The following MAML2 variants were observed in gnomAD, a reference collection of about 807,000 sequenced individuals.
MAML2 encodes the protein mastermind like transcriptional coactivator 2.
MAML2 carries 22 observed loss-of-function variants against 96.1 expected under a neutral mutation model. That is an observed-to-expected ratio of 0.23 (90% CI 0.16 to 0.33). The LOEUF (loss-of-function observed/expected upper bound fraction) is 0.33. MAML2 is among the 10% of genes least tolerant of loss of function. The pLI, the probability that MAML2 is intolerant of heterozygous loss-of-function variation, is 1.00. For synonymous variants in MAML2, 561 were observed against 521.3 expected, an observed-to-expected ratio of 1.08 and a Z score of -1.04; for missense variants, 1,367 against 1,392.4, an observed-to-expected ratio of 0.98 and a Z score of 0.29.
intron 1 of MAML2, among the ~76,000 whole-genome samples, chr11:96,287,002 C>A (rs982651287): frequency 6.6e-6 from 1 of 152,050 alleles, no homozygotes; most frequent in Non-Finnish European, 1.5e-5. Context: ...GAGAGAGCAG[C>A]CTGATGCGCT....
Position 96,117,289 on chromosome 11 carries a change from C to CTT in MAML2, c.514-23774_514-23773dup, listed in dbSNP as rs11371864. 3.4e-3 allele frequency among the ~76,000 whole-genome samples: 498 copies of CTT among 145,450 alleles called. 4 individuals carry two copies. Among genetic ancestry groups the CTT allele is most frequent in the African/African-American group, 0.011 (415 of 39,472 alleles). ...CCAGTATCTGTCATGCTGCAAAGCT[C>CTT]TTTTTTTTTTTTTTTAAATTTTTTG... On this transcript the variant is annotated intron_variant, in intron 1 of 4. Transcript: ENST00000524717.
chr11:96,125,186 G>C (rs1860418642), intron 1 of MAML2, among the ~76,000 whole-genome samples: 1 of 152,090 alleles, frequency 6.6e-6, no homozygotes, highest in African/African-American at 2.4e-5. Context: ...AGATTCTTAG[G>C]GGTAGAGGCA....
intron 1 of MAML2, among the ~76,000 whole-genome samples, chr11:96,294,609 A>T (rs1214438741): frequency 6.6e-6 from 1 of 152,216 alleles, no homozygotes; most frequent in Non-Finnish European, 1.5e-5. Flanking sequence ...ATAGTAAACA[A>T]ATATTTCACA....
chr11:96,203,468 T>C lies in MAML2; in HGVS notation c.514-109951A>G, dbSNP rs142845167. ...AAATGTTTGTTGTCAGATCTGGCTG[T>C]ACATTTATTAAGCTGTATTCATAAT... On this transcript the variant is annotated intron_variant, in intron 1 of 4. Transcript: ENST00000524717. Among the ~76,000 whole-genome samples, 568 of 152,380 alleles carry C rather than the reference T, an allele frequency of 3.7e-3. 16 individuals carry two copies. Among genetic ancestry groups the C allele is most frequent in the East Asian group, 0.026 (134 of 5,188 alleles).
At chr11:96,143,866 T>G (rs1860772612) in intron 1 of MAML2, among the ~76,000 whole-genome samples, 1 of 152,158 alleles carries the variant, frequency 6.6e-6, no homozygotes, top group Non-Finnish European at 1.5e-5. Context: ...TGCTCTCTAA[T>G]TATAGCTGGG....
chr11:96,200,978 G>A (rs552895573), intron 1 of MAML2, among the ~76,000 whole-genome samples: 2 of 151,934 alleles, frequency 1.3e-5, no homozygotes, highest in East Asian at 3.9e-4. Context: ...TGTTTTGAAA[G>A]CAATATTTCA....
rs117001299 is a variant in MAML2 at position 96,004,912 on chromosome 11, C to A, written c.2140-13189G>T. On this transcript the variant is annotated intron_variant, in intron 2 of 4. Coordinates refer to ENST00000524717, the MANE Select transcript of MAML2 (RefSeq NM_032427.4). Reference sequence around the variant, plus strand: ...TCAGGGTAGTGGCACAAGAGGTGAGCCCTTATGGGAGGTGATCAAGTCATG... The same window carrying A: ...TCAGGGTAGTGGCACAAGAGGTGAGACCTTATGGGAGGTGATCAAGTCATG... 6.9e-3 allele frequency among the ~76,000 whole-genome samples: 1,047 copies of A among 152,206 alleles called. 11 individuals are homozygous for A. The highest frequency in any genetic ancestry group is 0.021 in the African/African-American group (851 of 41,502).
At chr11:96,163,862 CTTT>C (rs67666403) in intron 1 of MAML2, among the ~76,000 whole-genome samples, 152 of 122,290 alleles carry the variant, frequency 1.2e-3, no homozygotes, top group Middle Eastern at 4.3e-3. Flanking sequence ...TTCTCTCTTT[CTTT>C]TTTTTTTTTT....
rs1857687191 is a variant in MAML2 at position 95,978,796 on chromosome 11, T to C, written c.*152A>G. On this transcript the variant is annotated 3_prime_UTR_variant, in exon 5 of 5. Transcript: ENST00000524717. ...TTTAAAACAAGAATTTGGACCAAAATGTTCATCACTGCAGTTACTTTCTGC... is the reference window on the plus strand; with the variant it reads ...TTTAAAACAAGAATTTGGACCAAAACGTTCATCACTGCAGTTACTTTCTGC... 1.4e-6 allele frequency: 1 copy of C among 699,426 alleles called. No homozygotes were observed. Among genetic ancestry groups the C allele is most frequent in the Non-Finnish European group, 2.3e-6 (1 of 438,250 alleles). 43.3% of individuals were successfully genotyped at this position (699,426 alleles called of 1,614,324 possible).
rs991161046 is a variant in MAML2, at chr11:95,977,011, G to C, written c.*1937C>G. The stretch of plus-strand genomic sequence containing the variant: ...ATTTGGGAGCAGGACAAAAAACAAG[G>C]ATTGAAACCTGGAATGCTTTCTTAT... On this transcript the variant is annotated 3_prime_UTR_variant, in exon 5 of 5. Transcript: ENST00000524717. 5 of 202,738 alleles carry C rather than the reference G, an allele frequency of 2.5e-5. No homozygotes were observed. The highest frequency in any genetic ancestry group is 5.1e-5 in the Non-Finnish European group (5 of 98,626). 12.6% of individuals were successfully genotyped at this position (202,738 alleles called of 1,614,324 possible).
intron 2 of MAML2, among the ~76,000 whole-genome samples, chr11:96,035,340 G>A (rs569175173): frequency 6.6e-6 from 1 of 152,322 alleles, no homozygotes; most frequent in African/African-American, 2.4e-5. Flanking sequence ...TTTTAAAAAA[G>A]TAGTGCGTGT....
rs1892960 is a variant in MAML2, at chr11:96,073,659, C to T, written c.2139+18233G>A. Among the ~76,000 whole-genome samples the T allele has an allele frequency of 1.8e-3, 274 of 152,182 alleles. 7 individuals carry two copies. The highest frequency in any genetic ancestry group is 0.016 in the Admixed American group (237 of 15,280). ...CAATGACGATTTAATGGAGTGAAGC[C>T]GATCTACTATCTTGGGTGGAAAGAG... On this transcript the variant is annotated intron_variant, in intron 2 of 4. Transcript: ENST00000524717.
intron 1 of MAML2, among the ~76,000 whole-genome samples, chr11:96,233,080 A>G (rs1292984998): frequency 3.3e-5 from 5 of 151,444 alleles, no homozygotes; most frequent in African/African-American, 1.2e-4. Flanking sequence ...GCTGTCACTA[A>G]TGCAATGAAA....
chr11:96,034,823 T>TG (rs1858686828), intron 2 of MAML2, among the ~76,000 whole-genome samples: 1 of 152,186 alleles, frequency 6.6e-6, no homozygotes, highest in Non-Finnish European at 1.5e-5. Context: ...ATGGCATTTT[T>TG]GGGGGTCAGA....
intron 2 of MAML2, among the ~76,000 whole-genome samples, chr11:96,066,167 GC>G (rs1859242407): frequency 6.6e-6 from 1 of 152,130 alleles, no homozygotes; most frequent in African/African-American, 2.4e-5. Flanking sequence ...TTTTCCTTAA[GC>G]CCAAGGCTGG....
chr11:96,305,542 A>G (rs1863451217), intron 1 of MAML2, among the ~76,000 whole-genome samples: 1 of 152,228 alleles, frequency 6.6e-6, no homozygotes, highest in African/African-American at 2.4e-5. Context: ...TTGAATAATA[A>G]TAATGAGACA....
chr11:96,316,467 T>C (rs1191183627), intron 1 of MAML2, among the ~76,000 whole-genome samples: 2 of 151,938 alleles, frequency 1.3e-5, no homozygotes, highest in Non-Finnish European at 2.9e-5. Context: ...AAGGCTACCA[T>C]TCATGTTGAG....
In MAML2 at chr11:95,979,245, A is replaced by C. The variant is rs201034217; in HGVS notation, c.3174T>G (p.Ile1058Met). The C allele has an allele frequency of 1.1e-4, 183 of 1,613,874 alleles. No individual in the cohort carries two copies. The highest frequency in any genetic ancestry group is 1.4e-4 in the Non-Finnish European group (168 of 1,179,872). ...NLRPNQLSTQ[I>M]LPNLNQSGTG... Reference sequence around the variant, plus strand: ...TTCCTGACTGATTCAAATTAGGCAAAATCTGTGTGCTTAGCTGATTGGGTC... The same window carrying C: ...TTCCTGACTGATTCAAATTAGGCAACATCTGTGTGCTTAGCTGATTGGGTC... Residue 1058 changes from isoleucine (I) to methionine (M), a missense_variant, in exon 5 of 5, where the codon ATT becomes ATG. By Grantham distance (10) the Ile-to-Met change is conservative. Coordinates refer to ENST00000524717, the MANE Select transcript of MAML2 (RefSeq NM_032427.4).
At chr11:96,010,227 G>A (rs2135727061) in intron 2 of MAML2, among the ~76,000 whole-genome samples, 1 of 152,236 alleles carries the variant, frequency 6.6e-6, no homozygotes. Context: ...AAACATAGAA[G>A]CAAGACTTTG....
Sources: gnomAD v4.1 joint callset for allele counts (sites outside exome capture counted in the v4.1 genomes callset) on GRCh38, gnomAD v4.1.1 for gene constraint, MANE v1.5 for transcripts, NCBI Gene and HGNC (gene_info 2026-07-23, HGNC 2026-07-21) for gene names.